Variants in EDEM3 observed in about 807,000 individuals in gnomAD.
EDEM3 encodes ER degradation-enhancing alpha-mannosidase-like protein 3.
Under a neutral mutation model 110.2 loss-of-function variants are expected in EDEM3, and 60 were observed. That is an observed-to-expected ratio of 0.54 (90% CI 0.44 to 0.67). The LOEUF is 0.67. Among genes scored for constraint, EDEM3 ranks in the 30% least tolerant of loss-of-function variants. EDEM3 has a pLI of 0.00. For synonymous variants in EDEM3, 352 were observed against 382.9 expected, an observed-to-expected ratio of 0.92 and a Z score of 0.94; for missense variants, 996 against 1,121.0, an observed-to-expected ratio of 0.89 and a Z score of 1.59.
chr1:184,696,377 C>A (rs1468893229), intron 19 of EDEM3, among the ~76,000 whole-genome samples: 1 of 151,918 alleles, frequency 6.6e-6, no homozygotes, highest in Non-Finnish European at 1.5e-5. Context: ...TGTATGGCTC[C>A]TGTGCACACA....
chr1:184,729,042 G>C (rs1651351710), intron 6 of EDEM3, among the ~76,000 whole-genome samples: 1 of 152,172 alleles, frequency 6.6e-6, no homozygotes, highest in East Asian at 1.9e-4. Flanking sequence ...CTAGGGGCTG[G>C]TAGATAGGTT....
At chr1:184,717,141 A>C in intron 12 of EDEM3, 129 bp from the exon 13 acceptor site, 1 of 657,106 alleles carries the variant, frequency 1.5e-6, no homozygotes, top group Non-Finnish European at 2.4e-6. Context: ...AGGACATTAT[A>C]TAGAACTGAG....
At position 184,732,834 on chromosome 1, in the gene EDEM3, T is replaced by C. The variant is rs1427722834; in HGVS notation, c.612+3A>G. 6.2e-7 allele frequency: 1 copy of C among 1,611,082 alleles called. No homozygotes were observed. The highest frequency in any genetic ancestry group is 1.7e-5 in the Admixed American group (1 of 59,574). ...AAGACTCATATTTTTCAGAAGTACT[T>C]ACTCTTGGATAAGGAAGGCCACTGG... On this transcript the variant is annotated splice_donor_region_variant and intron_variant, in intron 6 of 19. Coordinates refer to ENST00000318130, the MANE Select transcript of EDEM3 (RefSeq NM_025191.4).
Position 184,726,452 on chromosome 1 carries a change from T to G in EDEM3, c.613-63A>C, listed in dbSNP as rs897261650. 3.3e-6 allele frequency: 5 copies of G among 1,514,370 alleles called. No homozygotes were observed. In the African/African-American group the frequency reaches 7.0e-5, roughly 21 times the overall value. 93.8% of individuals were successfully genotyped at this position (1,514,370 alleles called of 1,614,324 possible). On this transcript the variant is annotated intron_variant, in intron 6 of 19. Transcript: ENST00000318130. ...AGACAATGACCTTCTGATAAGAAAC[T>G]ACTTTTCAATCAAGTCTTTGTATAA...
intron 2 of EDEM3, among the ~76,000 whole-genome samples, chr1:184,742,153 G>C (rs935816455): frequency 3.3e-5 from 5 of 152,008 alleles, no homozygotes; most frequent in African/African-American, 1.2e-4. Context: ...GGAAAGGGAA[G>C]GAAAAAATAC....
Position 184,705,647 on chromosome 1 carries a change from C to T in EDEM3, c.2203+996G>A, listed in dbSNP as rs1211453575. 3.9e-5 allele frequency among the ~76,000 whole-genome samples: 6 copies of T among 152,190 alleles called. No individual in the cohort carries two copies. In the East Asian group the frequency reaches 1.2e-3, roughly 29 times the overall value. ...AATCAACATAATAAGTGTTAATATT[C>T]TGTTTTACCTGAACTATTTTTTTTT... On this transcript the variant is annotated intron_variant, in intron 18 of 19. Transcript: ENST00000318130.
Position 184,693,943 on chromosome 1 carries a change from G to T in EDEM3, c.*120C>A. 1 of 1,019,102 alleles carries T rather than the reference G, an allele frequency of 9.8e-7. No individual in the cohort carries two copies. Among genetic ancestry groups the T allele is most frequent in the Non-Finnish European group, 1.4e-6 (1 of 701,248 alleles). The allele number at this position is 1,019,102 out of a possible 1,614,324, so 63.1% of individuals were successfully genotyped here. On this transcript the variant is annotated 3_prime_UTR_variant, in exon 20 of 20. Transcript: ENST00000318130. Reference sequence around the variant, plus strand: ...CGATAACTACGCCAGTCAGAACGTGGTTGTTCATCACCATACTTAAAGCCT... The same window carrying T: ...CGATAACTACGCCAGTCAGAACGTGTTTGTTCATCACCATACTTAAAGCCT...
At chr1:184,718,231 CAG>C (rs952050043) in intron 11 of EDEM3, among the ~76,000 whole-genome samples, 3 of 151,858 alleles carry the variant, frequency 2.0e-5, no homozygotes, top group African/African-American at 7.3e-5. Context: ...TGGAATAAGA[CAG>C]AGCATTATTT....
intron 17 of EDEM3, 63 bp downstream of exon 17, chr1:184,708,090 G>A (rs1650028958): frequency 7.3e-7 from 1 of 1,371,726 alleles, no homozygotes; most frequent in South Asian, 1.4e-5. Context: ...AAGAGACTAA[G>A]AAATAAGGCA....
At chr1:184,715,029 G>A (rs1650467197) in intron 13 of EDEM3, among the ~76,000 whole-genome samples, 1 of 152,160 alleles carries the variant, frequency 6.6e-6, no homozygotes, top group South Asian at 2.1e-4. Context: ...AATCCCCTCA[G>A]GAACAGTGAG....
intron 2 of EDEM3, among the ~76,000 whole-genome samples, chr1:184,742,778 G>A (rs920566741): frequency 2.0e-5 from 3 of 152,154 alleles, no homozygotes; most frequent in Non-Finnish European, 2.9e-5. Context: ...TTCCCAGAAT[G>A]TACATTTTTA....
At chr1:184,721,434 T>C (rs778559971) in intron 8 of EDEM3, 48 bp from the exon 9 acceptor site, 2 of 1,447,016 alleles carry the variant, frequency 1.4e-6, no homozygotes, top group Admixed American at 2.2e-5. Context: ...TTAAAACCGT[T>C]AAATTTTTTT....
intron 6 of EDEM3, among the ~76,000 whole-genome samples, chr1:184,727,765 A>G (rs1200792316): frequency 6.6e-6 from 1 of 152,114 alleles, no homozygotes. Context: ...GTACCCCTCC[A>G]TCCCCTCCCA....
Position 184,726,311 on chromosome 1 carries a change from T to G in EDEM3, c.691A>C (p.Thr231Pro). Residue 231 changes from threonine to proline, a missense_variant, in exon 7 of 20, where the codon ACC (threonine) becomes CCC (proline). By Grantham distance (38) the Thr-to-Pro change is conservative. Transcript: ENST00000318130. The stretch of plus-strand genomic sequence containing the variant: ...AAAGCAGCAAATTCAAGGATCAAGG[T>G]ACCTGCACAAGCTGTACAGGTATCT... ...ETDTCTACAG[T>P]LILEFAALSR... The G allele has an allele frequency of 1.9e-6, 3 of 1,613,936 alleles. No individual in the cohort carries two copies. The highest frequency in any genetic ancestry group is 2.5e-6 in the Non-Finnish European group (3 of 1,179,890).
intron 3 of EDEM3, 116 bp from the exon 4 acceptor site, chr1:184,737,180 A>G (rs1571408371): frequency 1.2e-6 from 1 of 838,652 alleles, no homozygotes; most frequent in Non-Finnish European, 2.0e-6. Context: ...TAGTACTTCC[A>G]TGTATCTATA....
At chr1:184,737,576 T>G in intron 3 of EDEM3, 35 bp downstream of exon 3, 5 of 1,595,860 alleles carry the variant, frequency 3.1e-6, no homozygotes, top group Non-Finnish European at 4.3e-6. Flanking sequence ...TTGGGAACTC[T>G]GAGATGCCAT....
chr1:184,734,617 T>C lies in EDEM3; in HGVS notation c.372A>G (p.Glu124=), dbSNP rs769132027. The change falls in exon 5 of 20, where the codon GAA becomes GAG. Residue 124 remains glutamate, a synonymous_variant. Coordinates refer to ENST00000318130, the MANE Select transcript of EDEM3 (RefSeq NM_025191.4). ...CTCTTAAAACTTTTCTCACTGCATC[T>C]TCAAATTCTTTAGTTTTATTTAAAA... ...LVVLNKTKEF[E]DAVRKVLRDV... The C allele has an allele frequency of 6.6e-7, 1 of 1,505,986 alleles. No individual in the cohort carries two copies. Among genetic ancestry groups the C allele is most frequent in the Admixed American group, 1.9e-5 (1 of 51,778 alleles). 93.3% of individuals were successfully genotyped at this position (1,505,986 alleles called of 1,614,324 possible). A position where few individuals can be genotyped will look rare whatever the true frequency, so the allele number is the denominator to read the frequency against.
chr1:184,723,650 C>T (rs1231680467), intron 8 of EDEM3, 101 bp downstream of exon 8: 3 of 981,062 alleles, frequency 3.1e-6, no homozygotes, highest in African/African-American at 3.4e-5. Context: ...AGAACCTATG[C>T]TTTATAGTAT....
chr1:184,728,603 CTTT>C (rs60576808), intron 6 of EDEM3, among the ~76,000 whole-genome samples: 2 of 144,136 alleles, frequency 1.4e-5, no homozygotes, highest in Non-Finnish European at 3.1e-5. Flanking sequence ...TATTAAACAA[CTTT>C]TTTTTTTTTT....
Sources: allele counts gnomAD v4.1 joint callset (sites outside exome capture counted in the v4.1 genomes callset), GRCh38; gene constraint gnomAD v4.1.1; transcripts MANE v1.5; gene names NCBI Gene and HGNC (gene_info 2026-07-23, HGNC 2026-07-21).